MRPS21: variants seen among roughly 807,000 people sequenced by gnomAD.
MRPS21 encodes small ribosomal subunit protein bS21m.
MRPS21 carries 8 observed loss-of-function variants against 9.9 expected under a neutral mutation model. That is an observed-to-expected ratio of 0.81 (90% CI 0.47 to 1.45). The LOEUF (loss-of-function observed/expected upper bound fraction) is 1.45. Among genes scored for constraint, MRPS21 ranks in the 40% most tolerant of loss-of-function variants. MRPS21 has a pLI of 0.00. For synonymous variants in MRPS21, 40 were observed against 40.3 expected, an observed-to-expected ratio of 0.99 and a Z score of 0.03; for missense variants, 101 against 118.9, an observed-to-expected ratio of 0.85 and a Z score of 0.70.
In MRPS21 at chr1:150,308,530, G is replaced by A. The variant is rs942924895; in HGVS notation, c.*302G>A. The A allele has an allele frequency of 4.3e-5, 9 of 210,278 alleles. No homozygotes were observed. In the South Asian group the frequency reaches 4.5e-4, roughly 10 times the overall value. The allele number at this position is 210,278 out of a possible 1,614,324, so 13.0% of individuals were successfully genotyped here. A position where few individuals can be genotyped will look rare whatever the true frequency, so the allele number is the denominator to read the frequency against. On this transcript the variant is annotated 3_prime_UTR_variant, in exon 3 of 3. Transcript: ENST00000614145. ...GTACAGAGTTTCAGTTTGGGCAGATGAAAAAGTTCAGGAGACGATGGCCTG... is the reference window on the plus strand; with the variant it reads ...GTACAGAGTTTCAGTTTGGGCAGATAAAAAAGTTCAGGAGACGATGGCCTG...
At chr1:150,296,211 G>A (rs1463631063) in intron 2 of MRPS21, among the ~76,000 whole-genome samples, 1 of 152,172 alleles carries the variant, frequency 6.6e-6, no homozygotes, top group Non-Finnish European at 1.5e-5. Context: ...GCCTCCCAAA[G>A]TGCTGGGATT....
Position 150,308,203 on chromosome 1 carries a change from G to A in MRPS21, c.239G>A (p.Arg80Gln), listed in dbSNP as rs773014515. ...ATCAACTTCTTGATGCGAAAGAATC[G>A]GGCAGATCCGTGGCAGGGCTGCTGA... is the stretch of plus-strand genomic sequence containing the variant. Reference protein sequence around the residue: ...RKINFLMRKNRADPWQGC With the variant: ...RKINFLMRKNQADPWQGC The change falls in exon 3 of 3, where the codon CGG (arginine) becomes CAG (glutamine). Residue 80 changes from arginine (R) to glutamine (Q), a missense_variant. Physicochemically the swap from Arg to Gln is conservative, Grantham distance 43. Coordinates refer to ENST00000614145, the MANE Select transcript of MRPS21 (RefSeq NM_031901.6). 5.6e-6 allele frequency: 9 copies of A among 1,599,644 alleles called. No individual in the cohort carries two copies. The African/African-American group carries it at 8.0e-5, about 14-fold the overall frequency.
At chr1:150,304,274 G>T in intron 2 of MRPS21, 1 of 231,412 alleles carries the variant, frequency 4.3e-6, no homozygotes, top group South Asian at 5.7e-5. Context: ...TGGTGACACT[G>T]CACTCCAGCC....
intron 2 of MRPS21, among the ~76,000 whole-genome samples, chr1:150,301,690 C>CT: frequency 6.6e-6 from 1 of 151,680 alleles, no homozygotes; most frequent in South Asian, 2.1e-4. Context: ...ACTGCAACCT[C>CT]TGTCTCCCGG....
chr1:150,300,942 A>C (rs1553857550), intron 2 of MRPS21, among the ~76,000 whole-genome samples: 1 of 152,136 alleles, frequency 6.6e-6, no homozygotes, highest in East Asian at 1.9e-4. Flanking sequence ...TCACCCCTGT[A>C]AGCTCAGCAC....
chr1:150,301,402 G>A, intron 2 of MRPS21: 1 of 217,028 alleles, frequency 4.6e-6, no homozygotes, highest in Non-Finnish European at 9.6e-6. Context: ...GGAGGCTGAG[G>A]CAGGAGAATC....
At position 150,293,879 on chromosome 1, in the gene MRPS21, C is replaced by G. The variant is rs587747236; in HGVS notation, c.-52C>G. On this transcript the variant is annotated 5_prime_UTR_variant, in exon 1 of 3. Coordinates refer to ENST00000614145, the MANE Select transcript of MRPS21 (RefSeq NM_031901.6). ...CGGTAGTGAGAACCCTTCCGGTGGG[C>G]TAGGTACTGAGCGCGCGAGGTGAGG... 25 of 166,980 alleles carry G rather than the reference C, an allele frequency of 1.5e-4. No homozygotes were observed. The highest frequency in any genetic ancestry group is 1.4e-3 in the Admixed American group (25 of 17,366). The allele number at this position is 166,980 out of a possible 1,614,324, so 10.3% of individuals were successfully genotyped here. A position where few individuals can be genotyped will look rare whatever the true frequency, so the allele number is the denominator to read the frequency against.
chr1:150,305,077 TG>T, intron 2 of MRPS21: 1 of 315,570 alleles, frequency 3.2e-6, no homozygotes, highest in Non-Finnish European at 6.1e-6. Context: ...TTGCCCAGGC[TG>T]GAGTGCAGTG....
intron 2 of MRPS21, among the ~76,000 whole-genome samples, chr1:150,298,719 A>G (rs587759209): frequency 3.9e-5 from 6 of 152,236 alleles, no homozygotes; most frequent in African/African-American, 1.2e-4. Context: ...CTCCTGCCTC[A>G]GCCTCCCGAG....
chr1:150,297,162 A>G (rs1426939516), intron 2 of MRPS21, among the ~76,000 whole-genome samples: 3 of 152,082 alleles, frequency 2.0e-5, no homozygotes, highest in African/African-American at 4.8e-5. Flanking sequence ...GTGGTGGCAC[A>G]CACCTGTAGT....
chr1:150,298,612 T>A (rs1228963374), intron 2 of MRPS21, among the ~76,000 whole-genome samples: 2 of 152,038 alleles, frequency 1.3e-5, no homozygotes, highest in African/African-American at 4.8e-5. Flanking sequence ...TTGAACCACT[T>A]TTTTTTTGAG....
intron 2 of MRPS21, among the ~76,000 whole-genome samples, chr1:150,303,284 T>G (rs1412367067): frequency 1.3e-5 from 2 of 152,184 alleles, no homozygotes; most frequent in Non-Finnish European, 2.9e-5. Context: ...ACTTTTTACA[T>G]TATATATCCA....
intron 2 of MRPS21, among the ~76,000 whole-genome samples, chr1:150,296,062 C>A (rs1290132532): frequency 1.3e-5 from 2 of 151,416 alleles, no homozygotes; most frequent in African/African-American, 4.9e-5. Flanking sequence ...ATTGACTCTT[C>A]TGCCTCAGTC....
intron 2 of MRPS21, among the ~76,000 whole-genome samples, chr1:150,301,029 C>G (rs1456003066): frequency 6.6e-6 from 1 of 150,916 alleles, no homozygotes; most frequent in Non-Finnish European, 1.5e-5. Context: ...GAAACCCTGT[C>G]TCTACTAAAA....
intron 2 of MRPS21, chr1:150,301,430 G>C (rs1381437970): frequency 1.0e-5 from 2 of 194,370 alleles, no homozygotes; most frequent in East Asian, 1.8e-4. Context: ...CCCAGGAGGC[G>C]GAGGTTCCAG....
At chr1:150,305,935 C>T (rs1654315921) in intron 2 of MRPS21, among the ~76,000 whole-genome samples, 2 of 152,112 alleles carry the variant, frequency 1.3e-5, no homozygotes, top group African/African-American at 2.4e-5. Context: ...ATTGGAATCA[C>T]CTTGGAAACT....
chr1:150,298,659 T>C (rs587722011), intron 2 of MRPS21, among the ~76,000 whole-genome samples: 42 of 152,318 alleles, frequency 2.8e-4, no homozygotes, highest in African/African-American at 1.0e-3. Flanking sequence ...TGGAGCGCAG[T>C]GGCGCAATCT....
At chr1:150,297,501 G>T (rs963001731) in intron 2 of MRPS21, among the ~76,000 whole-genome samples, 1 of 151,914 alleles carries the variant, frequency 6.6e-6, no homozygotes, top group African/African-American at 2.4e-5. Context: ...GCGAAACCCT[G>T]TCTCTACTAA....
chr1:150,299,844 C>T (rs1049544741), intron 2 of MRPS21, among the ~76,000 whole-genome samples: 1 of 151,354 alleles, frequency 6.6e-6, no homozygotes, highest in African/African-American at 2.4e-5. Flanking sequence ...ATTAGAGAGC[C>T]GGAGAGTGGT....
Sources: allele counts gnomAD v4.1 joint callset (sites outside exome capture counted in the v4.1 genomes callset), GRCh38; gene constraint gnomAD v4.1.1; transcripts MANE v1.5; gene names NCBI Gene and HGNC (gene_info 2026-07-23, HGNC 2026-07-21).